APBA1: variants seen among roughly 807,000 people sequenced by gnomAD.
APBA1 encodes the protein amyloid-beta A4 precursor protein-binding family A member 1.
Under a neutral mutation model 86.6 loss-of-function variants are expected in APBA1, and 55 were observed. That is an observed-to-expected ratio of 0.64 (90% confidence interval 0.51 to 0.80). The LOEUF (loss-of-function observed/expected upper bound fraction) is 0.80. Ranked by LOEUF, APBA1 falls within the 30% of genes least tolerant of loss-of-function variation. The probability of loss-of-function intolerance (pLI) is 0.00; values close to 1 mark genes in which losing one functional copy is unlikely to be tolerated. For synonymous variants in APBA1, 511 were observed against 493.9 expected, an observed-to-expected ratio of 1.03 and a Z score of -0.46; for missense variants, 1,090 against 1,183.0, an observed-to-expected ratio of 0.92 and a Z score of 1.15.
intron 1 of APBA1, among the ~76,000 whole-genome samples, chr9:69,573,904 G>A (rs1378381193): frequency 6.6e-6 from 1 of 152,148 alleles, no homozygotes; most frequent in Non-Finnish European, 1.5e-5. Flanking sequence ...ACAGCACTTT[G>A]ATATCATTAC....
intron 1 of APBA1, among the ~76,000 whole-genome samples, chr9:69,631,781 T>C (rs1286000374): frequency 6.6e-6 from 1 of 152,140 alleles, no homozygotes; most frequent in Admixed American, 6.5e-5. Flanking sequence ...CTGGAAACCA[T>C]CATTCTCAGC....
chr9:69,513,340 G>T (rs2133885400), intron 2 of APBA1, among the ~76,000 whole-genome samples: 1 of 152,332 alleles, frequency 6.6e-6, no homozygotes, highest in African/African-American at 2.4e-5. Context: ...GGCTGCAGGG[G>T]CAATTGGTTA....
intron 1 of APBA1, among the ~76,000 whole-genome samples, chr9:69,628,289 C>A (rs1437644813): frequency 6.6e-6 from 1 of 152,186 alleles, no homozygotes; most frequent in Admixed American, 6.5e-5. Flanking sequence ...CCAGGGCAGA[C>A]ACCTTGATTG....
chr9:69,614,666 G>C (rs1439353451), intron 1 of APBA1, among the ~76,000 whole-genome samples: 1 of 152,118 alleles, frequency 6.6e-6, no homozygotes, highest in Admixed American at 6.5e-5. Context: ...TCATGGAAAA[G>C]ACTAACAAAT....
chr9:69,670,603 A>G (rs1468129253), intron 1 of APBA1, among the ~76,000 whole-genome samples: 1 of 152,178 alleles, frequency 6.6e-6, no homozygotes, highest in East Asian at 1.9e-4. Flanking sequence ...ACTGCCCTGG[A>G]TACACATGAA....
At position 69,632,533 on chromosome 9, in the gene APBA1, T is replaced by C. The variant is rs188917463; in HGVS notation, c.-70+39620A>G. Among the ~76,000 whole-genome samples, 385 of 152,274 alleles carry C rather than the reference T, an allele frequency of 2.5e-3. 1 individual carries two copies. Among genetic ancestry groups the C allele is most frequent in the African/African-American group, 8.7e-3 (363 of 41,546 alleles). ...AATATGAGACTAATTATAGTACTTA[T>C]GGGATTGTTTTAGAAACTAAACGAC... is the stretch of plus-strand genomic sequence containing the variant. On this transcript the variant is annotated intron_variant, in intron 1 of 12. Transcript: ENST00000265381.
At chr9:69,476,207 G>T (rs1444517437) in intron 2 of APBA1, 64 bp from the exon 3 acceptor site, 6 of 1,219,926 alleles carry the variant, frequency 4.9e-6, no homozygotes, top group South Asian at 4.0e-5. Context: ...TTGGCTGGGG[G>T]AAAGGGGCCG....
chr9:69,629,647 G>C (rs1047785024), intron 1 of APBA1, among the ~76,000 whole-genome samples: 1 of 152,186 alleles, frequency 6.6e-6, no homozygotes, highest in Admixed American at 6.5e-5. Context: ...TAGAGCCTGG[G>C]AGTTCAGTCG....
At chr9:69,530,308 A>G (rs62567232) in intron 1 of APBA1, among the ~76,000 whole-genome samples, 818 of 40,256 alleles carry the variant, frequency 0.02, 10 homozygotes, top group African/African-American at 0.05. Context: ...GTGTGTGTGT[A>G]TATATATATA....
At chr9:69,531,346 C>T (rs1002996021) in intron 1 of APBA1, among the ~76,000 whole-genome samples, 1 of 152,146 alleles carries the variant, frequency 6.6e-6, no homozygotes, top group Non-Finnish European at 1.5e-5. Context: ...CCCTGTTCAA[C>T]AAAGAAAAGA....
At chr9:69,492,132 G>T (rs1260819308) in intron 2 of APBA1, among the ~76,000 whole-genome samples, 1 of 152,108 alleles carries the variant, frequency 6.6e-6, no homozygotes, top group Non-Finnish European at 1.5e-5. Context: ...GGATAGGGAG[G>T]TTATTAAATG....
chr9:69,453,366 G>A (rs1232729315), intron 8 of APBA1, among the ~76,000 whole-genome samples: 1 of 152,166 alleles, frequency 6.6e-6, no homozygotes, highest in Admixed American at 6.5e-5. Flanking sequence ...GAGACACAAA[G>A]GAACCTCTCA....
intron 2 of APBA1, among the ~76,000 whole-genome samples, chr9:69,491,605 TA>T (rs199676293): frequency 0.2 from 28,786 of 144,620 alleles, 2,863 homozygotes; most frequent in African/African-American, 0.23. Flanking sequence ...AAGTATTATT[TA>T]AAAAAAAAAA....
intron 1 of APBA1, among the ~76,000 whole-genome samples, chr9:69,543,086 T>C (rs1472582495): frequency 6.6e-6 from 1 of 152,230 alleles, no homozygotes; most frequent in Non-Finnish European, 1.5e-5. Flanking sequence ...GACCAAAATC[T>C]TCCTTTATTG....
At chr9:69,439,614 A>G (rs1834771437) in intron 11 of APBA1, among the ~76,000 whole-genome samples, 1 of 151,524 alleles carries the variant, frequency 6.6e-6, no homozygotes, top group East Asian at 1.9e-4. Flanking sequence ...ACATTCTTGT[A>G]GTGTGGTTTT....
At chr9:69,542,786 T>C (rs1836635638) in intron 1 of APBA1, among the ~76,000 whole-genome samples, 1 of 152,216 alleles carries the variant, frequency 6.6e-6, no homozygotes, top group Admixed American at 6.5e-5. Flanking sequence ...GTGTGGGTGA[T>C]AAATGGTCAC....
intron 1 of APBA1, among the ~76,000 whole-genome samples, chr9:69,544,464 G>A (rs7025471): frequency 0.54 from 82,848 of 152,058 alleles, 24,085 homozygotes; most frequent in Non-Finnish European, 0.64. Context: ...TCTTTAGACA[G>A]GTTCATGATA....
intron 1 of APBA1, among the ~76,000 whole-genome samples, chr9:69,580,218 T>C (rs984139503): frequency 2.0e-5 from 3 of 152,220 alleles, no homozygotes; most frequent in African/African-American, 7.2e-5. Context: ...AAGCCTTCTA[T>C]CGAGGATTCG....
chr9:69,596,335 C>T (rs1822229037), intron 1 of APBA1, among the ~76,000 whole-genome samples: 1 of 152,016 alleles, frequency 6.6e-6, no homozygotes, highest in South Asian at 2.1e-4. Flanking sequence ...TTTCTTTTAC[C>T]CACTGATATG....
Sources: gnomAD v4.1 joint callset for allele counts (sites outside exome capture counted in the v4.1 genomes callset) on GRCh38, gnomAD v4.1.1 for gene constraint, MANE v1.5 for transcripts, NCBI Gene and HGNC (gene_info 2026-07-23, HGNC 2026-07-21) for gene names.